Variants in RYR2 observed in about 807,000 individuals in gnomAD.
The protein encoded by RYR2 is ryanodine receptor 2.
Under a neutral mutation model 601.1 loss-of-function variants are expected in RYR2, and 227 were observed. The observed-to-expected ratio is 0.38, with a 90% CI of 0.34 to 0.42. The LOEUF is 0.42. RYR2 is among the 10% of genes least tolerant of loss of function. The pLI, the probability that RYR2 is intolerant of heterozygous loss-of-function variation, is 1.00. For synonymous variants in RYR2, 2,223 were observed against 2,175.1 expected (o/e 1.02, Z -0.61); for missense variants, 4,646 against 6,156.5 (o/e 0.75, Z 8.21).
rs115278493 is a variant in RYR2, at chr1:237,546,373, T to G, written c.2907-2058T>G. On this transcript the variant is annotated intron_variant, in intron 25 of 104. Transcript: ENST00000366574. ...TTTGTGTCTATAGATAAATTACTTT[T>G]TTGTTGTTGTTGTTGTTTTTTTGAG... Among the ~76,000 whole-genome samples the G allele has an allele frequency of 9.8e-3, 1,499 of 152,234 alleles. 25 individuals are homozygous for G. Among genetic ancestry groups the G allele is most frequent in the African/African-American group, 0.034 (1,405 of 41,544 alleles).
At chr1:237,473,885 T>C (rs973351786) in intron 17 of RYR2, among the ~76,000 whole-genome samples, 1 of 152,084 alleles carries the variant, frequency 6.6e-6, no homozygotes, top group African/African-American at 2.4e-5. Context: ...GACAGACCTC[T>C]CTCTAATATT....
chr1:237,131,057 A>T (rs1380288446), intron 1 of RYR2, among the ~76,000 whole-genome samples: 1 of 152,122 alleles, frequency 6.6e-6, no homozygotes, highest in East Asian at 1.9e-4. Context: ...GGAGGGGCAA[A>T]AGCCAGAGAA....
At chr1:237,686,745 C>A (rs1220228839) in intron 62 of RYR2, among the ~76,000 whole-genome samples, 4 of 152,082 alleles carry the variant, frequency 2.6e-5, no homozygotes, top group Non-Finnish European at 5.9e-5. Context: ...TTGCTAATTG[C>A]CATGAAGGAC....
At chr1:237,482,936 A>G (rs1662277697) in intron 17 of RYR2, among the ~76,000 whole-genome samples, 3 of 152,080 alleles carry the variant, frequency 2.0e-5, no homozygotes, top group Non-Finnish European at 4.4e-5. Flanking sequence ...TTTGATTTGC[A>G]TTTCTCTGAT....
intron 12 of RYR2, among the ~76,000 whole-genome samples, chr1:237,425,491 G>A (rs778164016): frequency 3.3e-5 from 5 of 152,006 alleles, no homozygotes; most frequent in Admixed American, 3.3e-4. Context: ...AAAATTAGTC[G>A]GGCGTGGTGA....
At chr1:237,102,179 G>A (rs1357429481) in intron 1 of RYR2, among the ~76,000 whole-genome samples, 1 of 152,170 alleles carries the variant, frequency 6.6e-6, no homozygotes, top group Non-Finnish European at 1.5e-5. Flanking sequence ...GGATTTAGAC[G>A]GGAGCTTGAG....
At chr1:237,722,809 A>G (rs1373439839) in intron 73 of RYR2, among the ~76,000 whole-genome samples, 1 of 152,198 alleles carries the variant, frequency 6.6e-6, no homozygotes, top group Non-Finnish European at 1.5e-5. Flanking sequence ...GCATAGTCAC[A>G]TGATTAGTGT....
At chr1:237,204,165 C>T (rs1681515784) in intron 1 of RYR2, among the ~76,000 whole-genome samples, 1 of 152,130 alleles carries the variant, frequency 6.6e-6, no homozygotes, top group Admixed American at 6.6e-5. Context: ...TGTGTGCCAC[C>T]ACGCCTGGCT....
intron 37 of RYR2, among the ~76,000 whole-genome samples, chr1:237,616,505 C>T (rs1678485981): frequency 6.6e-6 from 1 of 152,140 alleles, no homozygotes; most frequent in South Asian, 2.1e-4. Flanking sequence ...CTCTGTGATC[C>T]TCAGCCTGTG....
At chr1:237,473,570 T>C (rs150808672) in intron 17 of RYR2, among the ~76,000 whole-genome samples, 8 of 152,182 alleles carry the variant, frequency 5.3e-5, no homozygotes, top group Non-Finnish European at 7.4e-5. Flanking sequence ...TTACATATTG[T>C]AAGAGGCCTT....
chr1:237,168,669 A>G (rs1676985862), intron 1 of RYR2, among the ~76,000 whole-genome samples: 1 of 150,954 alleles, frequency 6.6e-6, no homozygotes, highest in Non-Finnish European at 1.5e-5. Context: ...GAAGGAATTT[A>G]GAATGTTTAG....
At chr1:237,379,595 T>G (rs1169034213) in intron 8 of RYR2, among the ~76,000 whole-genome samples, 1 of 152,224 alleles carries the variant, frequency 6.6e-6, no homozygotes, top group Non-Finnish European at 1.5e-5. Flanking sequence ...AATTTACAAG[T>G]GATTTCCAAA....
Position 237,788,046 on chromosome 1 carries a change from A to G in RYR2, c.13387A>G (p.Arg4463Gly). 1.2e-6 allele frequency: 2 copies of G among 1,610,194 alleles called. No homozygotes were observed. Among genetic ancestry groups the G allele is most frequent in the Non-Finnish European group, 1.7e-6 (2 of 1,177,898 alleles). Residue 4463 changes from arginine (R) to glycine (G), a missense_variant, in exon 92 of 105, where the codon AGG becomes GGG. Physicochemically the swap from Arg to Gly is moderately radical, Grantham distance 125. Around this residue, in one of 17 missense-constraint regions of RYR2, gnomAD observed 364 missense variants for 442.9 expected, o/e 0.82. Coordinates refer to ENST00000366574, the MANE Select transcript of RYR2 (RefSeq NM_001035.3). ...GGAAGACAAGGGCAAACAAAAGTTG[A>G]GGCAGCTTCACACACACAGATACGG... The part of the protein sequence containing the change: ...AKEDKGKQKL[R>G]QLHTHRYGEP...
chr1:237,292,139 A>G (rs1370196537), intron 2 of RYR2, among the ~76,000 whole-genome samples: 2 of 152,222 alleles, frequency 1.3e-5, no homozygotes, highest in Non-Finnish European at 2.9e-5. Context: ...AGATCCCTAA[A>G]TGTTCGGCAG....
chr1:237,319,134 T>A (rs1695381404), intron 2 of RYR2, among the ~76,000 whole-genome samples: 1 of 152,182 alleles, frequency 6.6e-6, no homozygotes, highest in Admixed American at 6.5e-5. Flanking sequence ...AATACAGATT[T>A]TCCATTTGAT....
chr1:237,820,717 G>C (rs1406225212), intron 101 of RYR2, among the ~76,000 whole-genome samples: 3 of 152,184 alleles, frequency 2.0e-5, no homozygotes. Context: ...AGGGAGCCAA[G>C]TGGTCTGGCT....
intron 25 of RYR2, among the ~76,000 whole-genome samples, chr1:237,544,651 T>A (rs1348360219): frequency 1.3e-5 from 2 of 152,210 alleles, no homozygotes; most frequent in African/African-American, 2.4e-5. Context: ...AGCAGTTGGT[T>A]GTCCTCTGTG....
rs911961561 is a variant in RYR2, at chr1:237,284,120, C to T, written c.168+13504C>T. Among the ~76,000 whole-genome samples, 7 of 152,234 alleles carry T rather than the reference C, an allele frequency of 4.6e-5. No homozygotes were observed. The South Asian group carries it at 6.2e-4, about 14-fold the overall frequency. ...CAATCTGGCCAGGCGTGGTGGCTCA[C>T]GCCTGTAATCCCAGCACTTTGGGAG... On this transcript the variant is annotated intron_variant, in intron 2 of 104. Transcript: ENST00000366574.
chr1:237,270,728 G>T, intron 2 of RYR2, 112 bp downstream of exon 2: 1 of 1,176,946 alleles, frequency 8.5e-7, no homozygotes, highest in Non-Finnish European at 1.2e-6. Flanking sequence ...ATAAATGAAA[G>T]GGATATAACA....
Sources: allele counts gnomAD v4.1 joint callset (sites outside exome capture counted in the v4.1 genomes callset), GRCh38; gene constraint gnomAD v4.1.1; regional missense constraint gnomAD v4.1.1; transcripts MANE v1.5; gene names NCBI Gene and HGNC (gene_info 2026-07-23, HGNC 2026-07-21).